Variants in NUP210L observed in about 807,000 individuals in gnomAD.
The protein encoded by NUP210L is nucleoporin 210 like, also known as nuclear pore membrane glycoprotein 210-like.
In NUP210L, 74 loss-of-function variants were observed where a neutral mutation model predicts 208.5. That is an observed-to-expected ratio of 0.35 (90% confidence interval 0.29 to 0.43). The LOEUF is 0.43. NUP210L is among the 20% of genes least tolerant of loss of function. The pLI is 1.00. For missense variants in NUP210L, 1,843 were observed against 2,289.4 expected (o/e 0.81, Z 3.98); for synonymous variants, 780 against 816.9 (o/e 0.95, Z 0.77).
intron 12 of NUP210L, among the ~76,000 whole-genome samples, chr1:154,113,854 T>A (rs1177058544): frequency 1.9e-4 from 10 of 52,044 alleles, no homozygotes; most frequent in African/African-American, 7.4e-4. Context: ...CAAGACTCCA[T>A]CTCAAAAAAA....
At chr1:154,154,771 C>G in intron 1 of NUP210L, 71 bp downstream of exon 1, 1 of 1,262,140 alleles carries the variant, frequency 7.9e-7, no homozygotes, top group East Asian at 2.3e-5. Context: ...TGGGATCTTA[C>G]AGAGGGAACC....
intron 10 of NUP210L, among the ~76,000 whole-genome samples, chr1:154,120,833 T>C (rs1164007556): frequency 3.5e-5 from 5 of 144,234 alleles, no homozygotes; most frequent in African/African-American, 1.3e-4. Flanking sequence ...GAGGCGGAGG[T>C]TGCAGTGAGC....
At chr1:154,130,830 C>A (rs1658211004) in intron 7 of NUP210L, among the ~76,000 whole-genome samples, 1 of 152,000 alleles carries the variant, frequency 6.6e-6, no homozygotes, top group South Asian at 2.1e-4. Flanking sequence ...AGCAATCCTC[C>A]TGCCTCAGCC....
At chr1:154,143,702 A>G in intron 2 of NUP210L, 125 bp from the exon 3 acceptor site, 1 of 713,428 alleles carries the variant, frequency 1.4e-6, no homozygotes, top group Non-Finnish European at 2.2e-6. Context: ...GCTTTTACCT[A>G]TGGAAGAAAA....
At chr1:154,006,926 C>CTGTGTGTG (rs796890210) in intron 35 of NUP210L, among the ~76,000 whole-genome samples, 4 of 88,316 alleles carry the variant, frequency 4.5e-5, no homozygotes, top group South Asian at 8.6e-4. Context: ...ACACATATGT[C>CTGTGTGTG]TGTGTGTGTG....
intron 5 of NUP210L, among the ~76,000 whole-genome samples, chr1:154,139,404 C>G (rs1658716594): frequency 6.6e-6 from 1 of 152,134 alleles, no homozygotes; most frequent in Admixed American, 6.6e-5. Flanking sequence ...TTGTTTAATG[C>G]TTACCTACTT....
intron 10 of NUP210L, among the ~76,000 whole-genome samples, chr1:154,123,069 A>AAAAAAAT (rs371321267): frequency 7.0e-6 from 1 of 142,888 alleles, no homozygotes. Context: ...AAAAAAAAAA[A>AAAAAAAT]CCACAAAAAA....
intron 29 of NUP210L, among the ~76,000 whole-genome samples, chr1:154,027,108 AAAC>A (rs1304672451): frequency 2.6e-5 from 4 of 151,020 alleles, no homozygotes; most frequent in African/African-American, 7.4e-5. Context: ...AAAAAAAAAA[AAAC>A]AAAAAACACA....
At chr1:154,025,562 T>G (rs750054256) in exon 30 of NUP210L, 2 of 1,611,490 alleles carry the variant, frequency 1.2e-6, no homozygotes, top group South Asian at 1.1e-5. Context: ...GTTATGGTTG[T>G]TTGGTTGACT....
intron 10 of NUP210L, among the ~76,000 whole-genome samples, chr1:154,123,755 G>A (rs1001668498): frequency 2.6e-5 from 4 of 151,826 alleles, no homozygotes; most frequent in African/African-American, 7.3e-5. Context: ...GCATGATCCT[G>A]TATTCCCAGC....
chr1:154,129,088 G>A (rs1013702428), intron 8 of NUP210L, among the ~76,000 whole-genome samples, 189 bp downstream of exon 8: 1 of 151,942 alleles, frequency 6.6e-6, no homozygotes, highest in African/African-American at 2.4e-5. Flanking sequence ...TTCACAATCT[G>A]TTTCAACATG....
chr1:154,029,168 G>C (rs1336311871), intron 28 of NUP210L, among the ~76,000 whole-genome samples: 1 of 148,518 alleles, frequency 6.7e-6, no homozygotes, highest in Non-Finnish European at 1.5e-5. Context: ...CACGAGGTCA[G>C]GAGATCGAGA....
chr1:154,060,653 T>A lies in NUP210L; in HGVS notation c.2749-12A>T. 1 of 1,556,386 alleles carries A rather than the reference T, an allele frequency of 6.4e-7. No individual in the cohort carries two copies. Among genetic ancestry groups the A allele is most frequent in the Non-Finnish European group, 8.9e-7 (1 of 1,128,662 alleles). The stretch of plus-strand genomic sequence containing the variant: ...AGGCTAAATGTTTCCTATGGAAAAA[T>A]CAGACAAACAATATTCTGTTTGCTT... On this transcript the variant is annotated splice_polypyrimidine_tract_variant and intron_variant, in intron 19 of 39. Coordinates refer to ENST00000368559, the Ensembl canonical transcript of NUP210L.
At chr1:154,078,152 A>AT (rs1288240944) in intron 16 of NUP210L, among the ~76,000 whole-genome samples, 4 of 151,406 alleles carry the variant, frequency 2.6e-5, no homozygotes, top group Non-Finnish European at 5.9e-5. Context: ...AAAAAAAAAA[A>AT]AATTACAAAA....
At chr1:154,011,875 T>C (rs886728439) in intron 34 of NUP210L, among the ~76,000 whole-genome samples, 1 of 151,586 alleles carries the variant, frequency 6.6e-6, no homozygotes. Context: ...TTAGTAGAGA[T>C]GGGGTTTCAC....
At chr1:154,139,528 A>C (rs1658722267) in intron 5 of NUP210L, among the ~76,000 whole-genome samples, 1 of 151,988 alleles carries the variant, frequency 6.6e-6, no homozygotes, top group African/African-American at 2.4e-5. Flanking sequence ...AGACTATTAA[A>C]TGAAAAATTT....
chr1:154,147,426 C>T (rs1033289446), intron 2 of NUP210L, among the ~76,000 whole-genome samples: 1 of 152,058 alleles, frequency 6.6e-6, no homozygotes, highest in Admixed American at 6.6e-5. Flanking sequence ...CAGCCTCAAA[C>T]TCCTGGACTC....
At chr1:154,052,243 T>C (rs575930157) in intron 25 of NUP210L, among the ~76,000 whole-genome samples, 2 of 152,272 alleles carry the variant, frequency 1.3e-5, no homozygotes, top group South Asian at 4.1e-4. Flanking sequence ...TATGCTTGTG[T>C]TTCTCCTGGA....
intron 12 of NUP210L, among the ~76,000 whole-genome samples, chr1:154,109,865 C>T (rs1306398642): frequency 2.0e-5 from 3 of 150,840 alleles, no homozygotes; most frequent in African/African-American, 7.4e-5. Flanking sequence ...AAAATGAAAA[C>T]ACAACATAAC....
Sources: gnomAD v4.1 joint callset for allele counts (sites outside exome capture counted in the v4.1 genomes callset) on GRCh38, gnomAD v4.1.1 for gene constraint, MANE v1.5 for transcripts, NCBI Gene and HGNC (gene_info 2026-07-23, HGNC 2026-07-21) for gene names.